Variants in ZBTB16 observed in about 807,000 individuals in gnomAD.
ZBTB16 encodes zinc finger and BTB domain-containing protein 16.
In ZBTB16, 8 loss-of-function variants were observed where a neutral mutation model predicts 56.8. The ratio of observed to expected loss-of-function variants is 0.14; its 90% CI spans 0.08 to 0.25. The LOEUF (loss-of-function observed/expected upper bound fraction) is 0.25. ZBTB16 is among the 10% of genes least tolerant of loss of function. ZBTB16 has a pLI of 1.00. For missense variants in ZBTB16, 625 were observed against 903.0 expected, an observed-to-expected ratio of 0.69 and a Z score of 3.95; for synonymous variants, 363 against 368.5, an observed-to-expected ratio of 0.98 and a Z score of 0.17.
intron 3 of ZBTB16, among the ~76,000 whole-genome samples, chr11:114,158,004 T>G (rs1942471182): frequency 1.3e-5 from 2 of 152,036 alleles, no homozygotes; most frequent in African/African-American, 4.8e-5. Context: ...TCACGTACAC[T>G]TTTTCTTCTG....
At chr11:114,111,156 C>T (rs199695025) in intron 2 of ZBTB16, among the ~76,000 whole-genome samples, 7 of 148,846 alleles carry the variant, frequency 4.7e-5, no homozygotes, top group South Asian at 2.1e-4. Context: ...ATCTGTGCTG[C>T]GTGTGTGTGT....
At chr11:114,149,254 A>G (rs1280495770) in intron 2 of ZBTB16, among the ~76,000 whole-genome samples, 2 of 152,226 alleles carry the variant, frequency 1.3e-5, no homozygotes, top group Non-Finnish European at 2.9e-5. Context: ...CTGCAGAGCC[A>G]GGTCCCCTGC....
chr11:114,078,167 C>G (rs1271294229), intron 2 of ZBTB16, among the ~76,000 whole-genome samples: 1 of 152,188 alleles, frequency 6.6e-6, no homozygotes, highest in Non-Finnish European at 1.5e-5. Context: ...TTCCTGCCCT[C>G]ACCTACTTTT....
intron 3 of ZBTB16, among the ~76,000 whole-genome samples, chr11:114,172,693 G>A (rs146413605): frequency 4.0e-4 from 61 of 152,334 alleles, no homozygotes; most frequent in Non-Finnish European, 6.3e-4. Flanking sequence ...AAAGGTGCAC[G>A]TGGAAGAGCT....
At chr11:114,197,313 A>G (rs1943632580) in intron 4 of ZBTB16, among the ~76,000 whole-genome samples, 2 of 152,134 alleles carry the variant, frequency 1.3e-5, no homozygotes, top group South Asian at 2.1e-4. Flanking sequence ...CTGAGGGTCC[A>G]TGCTGTGGAC....
intron 2 of ZBTB16, among the ~76,000 whole-genome samples, chr11:114,090,415 G>T (rs1041311417): frequency 2.6e-5 from 4 of 152,228 alleles, no homozygotes; most frequent in Non-Finnish European, 4.4e-5. Context: ...GCCTTGTCTG[G>T]CCAACTCCGG....
At chr11:114,086,286 C>T (rs1418798222) in intron 2 of ZBTB16, among the ~76,000 whole-genome samples, 1 of 152,102 alleles carries the variant, frequency 6.6e-6, no homozygotes, top group Non-Finnish European at 1.5e-5. Context: ...TACTCCCCCA[C>T]CCCCACTGGC....
intron 4 of ZBTB16, among the ~76,000 whole-genome samples, chr11:114,217,823 C>T (rs1173404548): frequency 1.3e-5 from 2 of 152,176 alleles, no homozygotes; most frequent in Non-Finnish European, 2.9e-5. Context: ...CTCCTGCAGC[C>T]AGCTCCTTAG....
At chr11:114,212,235 G>A (rs1944012275) in intron 4 of ZBTB16, among the ~76,000 whole-genome samples, 1 of 152,060 alleles carries the variant, frequency 6.6e-6, no homozygotes, top group African/African-American at 2.4e-5. Context: ...ATTAAAAGTC[G>A]CAGGAAAATT....
chr11:114,156,125 C>A (rs1942402453), intron 2 of ZBTB16, among the ~76,000 whole-genome samples: 1 of 152,148 alleles, frequency 6.6e-6, no homozygotes. Context: ...GTGGACAAGA[C>A]CAGGAATGGG....
At chr11:114,221,210 C>T (rs1944225842) in intron 4 of ZBTB16, among the ~76,000 whole-genome samples, 1 of 152,118 alleles carries the variant, frequency 6.6e-6, no homozygotes, top group South Asian at 2.1e-4. Context: ...TAGGAATAAT[C>T]AAACAGATAC....
chr11:114,217,291 A>C (rs1376067577), intron 4 of ZBTB16, among the ~76,000 whole-genome samples: 1 of 152,192 alleles, frequency 6.6e-6, no homozygotes, highest in Non-Finnish European at 1.5e-5. Context: ...GATCAGATAC[A>C]TTTTGGATAG....
intron 2 of ZBTB16, among the ~76,000 whole-genome samples, chr11:114,094,223 G>T (rs1285583264): frequency 9.9e-6 from 1 of 101,392 alleles, no homozygotes; most frequent in Non-Finnish European, 2.9e-5. Context: ...GCTGAGGCTG[G>T]AGGATGGCGT....
chr11:114,092,955 G>A (rs1940245080), intron 2 of ZBTB16, among the ~76,000 whole-genome samples: 1 of 152,034 alleles, frequency 6.6e-6, no homozygotes, highest in African/African-American at 2.4e-5. Flanking sequence ...AATATTTGAA[G>A]GATTAAAGTT....
chr11:114,171,925 C>T (rs1228200628), intron 3 of ZBTB16, among the ~76,000 whole-genome samples: 1 of 152,242 alleles, frequency 6.6e-6, no homozygotes, highest in Non-Finnish European at 1.5e-5. Context: ...CCTCTGCCTG[C>T]TGAAGAGCAG....
rs529401452 is a variant in ZBTB16 at position 114,096,158 on chromosome 11, T to C, written c.1268+31590T>C. On this transcript the variant is annotated intron_variant, in intron 2 of 6. Transcript: ENST00000335953. The stretch of plus-strand genomic sequence containing the variant: ...CAACCAGGGGTATTTTAATATCAAA[T>C]CTCCAGACTTCCCTTGGAGGCACCT... Among the ~76,000 whole-genome samples the C allele has an allele frequency of 5.3e-5, 8 of 152,336 alleles. No homozygotes were observed. The South Asian group carries it at 1.7e-3, about 32-fold the overall frequency.
At chr11:114,191,733 A>G (rs1591767216) in intron 4 of ZBTB16, among the ~76,000 whole-genome samples, 1 of 152,212 alleles carries the variant, frequency 6.6e-6, no homozygotes, top group East Asian at 1.9e-4. Flanking sequence ...CTCAGAACAT[A>G]TCCTTATCAC....
chr11:114,196,311 A>G (rs1465874882), intron 4 of ZBTB16, among the ~76,000 whole-genome samples: 1 of 152,212 alleles, frequency 6.6e-6, no homozygotes, highest in East Asian at 1.9e-4. Context: ...CATGTCTGCT[A>G]TCACCAGGAA....
intron 2 of ZBTB16, among the ~76,000 whole-genome samples, chr11:114,155,067 A>T (rs1341720371): frequency 1.3e-5 from 2 of 152,010 alleles, no homozygotes; most frequent in African/African-American, 4.8e-5. Flanking sequence ...CCCTCTCCCC[A>T]CCTGCAGTTT....
Sources: gnomAD v4.1 joint callset for allele counts (sites outside exome capture counted in the v4.1 genomes callset) on GRCh38, gnomAD v4.1.1 for gene constraint, MANE v1.5 for transcripts, NCBI Gene and HGNC (gene_info 2026-07-23, HGNC 2026-07-21) for gene names.